Variants in ARLN observed in about 807,000 individuals in gnomAD.
ARLN encodes sarcoplasmic/endoplasmic reticulum calcium ATPase regulator ARLN.
chr4:119,300,473 G>A, the ARLN span: 2 of 1,614,066 alleles, frequency 1.2e-6, no homozygotes, highest in South Asian at 2.2e-5. Flanking sequence ...TCCCTCCCTC[G>A]CTAAAGCCTC....
the ARLN span, chr4:119,298,096 A>C: frequency 1.3e-5 from 2 of 152,180 alleles, no homozygotes; most frequent in Admixed American, 1.3e-4. Context: ...GGTTTGAAAC[A>C]CATAATCCTT....
chr4:119,299,845 G>C, the ARLN span, among the ~76,000 whole-genome samples: 1 of 152,264 alleles, frequency 6.6e-6, no homozygotes, highest in South Asian at 2.1e-4. Flanking sequence ...TTTTGGACAT[G>C]TTTAGTTTGA....
chr4:119,301,331 G>A, the ARLN span, among the ~76,000 whole-genome samples: 31 of 152,004 alleles, frequency 2.0e-4, no homozygotes, highest in Admixed American at 1.8e-3. Context: ...GGCTGAGGCA[G>A]GAGAATCGCT....
At chr4:119,302,649 T>C in the ARLN span, among the ~76,000 whole-genome samples, 37 of 152,338 alleles carry the variant, frequency 2.4e-4, no homozygotes, top group South Asian at 7.3e-3. Flanking sequence ...ACCTTGAACT[T>C]TCTACTTCAC....
chr4:119,301,101 T>C, the ARLN span, among the ~76,000 whole-genome samples: 1 of 151,766 alleles, frequency 6.6e-6, no homozygotes, highest in Admixed American at 6.6e-5. Context: ...ATTTTGCAGG[T>C]ACTTCAAGGG....
At chr4:119,302,886 A>G in the ARLN span, among the ~76,000 whole-genome samples, 1 of 152,202 alleles carries the variant, frequency 6.6e-6, no homozygotes, top group Non-Finnish European at 1.5e-5. Context: ...CAGGAGGGAG[A>G]TGATGATGAA....
the ARLN span, among the ~76,000 whole-genome samples, chr4:119,303,820 G>A: frequency 2.6e-5 from 4 of 152,308 alleles, no homozygotes; most frequent in East Asian, 7.7e-4. Flanking sequence ...AGGCTGCAGT[G>A]AACTGTTATT....
At chr4:119,304,166 C>T in the ARLN span, 1 of 1,005,364 alleles carries the variant, frequency 9.9e-7, no homozygotes, top group South Asian at 1.6e-5. Context: ...CTTCAGGGCC[C>T]CACTTAAGTG....
chr4:119,300,259 A>G, the ARLN span: 2 of 1,179,410 alleles, frequency 1.7e-6, no homozygotes, highest in Admixed American at 4.0e-5. Context: ...TCTGGAATTC[A>G]GTCCCCTCCC....
At chr4:119,298,141 AG>A in the ARLN span, 4 of 152,212 alleles carry the variant, frequency 2.6e-5, no homozygotes, top group Non-Finnish European at 5.9e-5. Flanking sequence ...AAAGGAAAAA[AG>A]GGGGAAGATA....
At chr4:119,300,643 T>G in the ARLN span, 6 of 1,576,552 alleles carry the variant, frequency 3.8e-6, no homozygotes, top group Non-Finnish European at 5.2e-6. Context: ...GCCTGCGCAG[T>G]GCGCCGCGCC....
the ARLN span, among the ~76,000 whole-genome samples, chr4:119,299,257 TG>T: frequency 6.6e-6 from 1 of 152,222 alleles, no homozygotes; most frequent in East Asian, 1.9e-4. Context: ...TGGCCCTCTC[TG>T]TCTTCTCTAA....
At chr4:119,302,498 C>G in the ARLN span, among the ~76,000 whole-genome samples, 1 of 152,200 alleles carries the variant, frequency 6.6e-6, no homozygotes, top group Non-Finnish European at 1.5e-5. Flanking sequence ...GCCTCGACTT[C>G]CCAAAGTACT....
At chr4:119,300,954 C>T in the ARLN span, 1 of 715,968 alleles carries the variant, frequency 1.4e-6, no homozygotes, top group East Asian at 2.8e-5. Flanking sequence ...CTTATGCCAA[C>T]GTGTTAGGAA....
chr4:119,299,006 C>G, the ARLN span, among the ~76,000 whole-genome samples: 2 of 152,164 alleles, frequency 1.3e-5, no homozygotes, highest in East Asian at 1.9e-4. Context: ...GAGTAAAACT[C>G]TCCCTTTACA....
At chr4:119,304,300 C>T in the ARLN span, 1 of 1,537,124 alleles carries the variant, frequency 6.5e-7, no homozygotes. Flanking sequence ...ATGTTTTCTT[C>T]TTGGGGAGAG....
the ARLN span, among the ~76,000 whole-genome samples, chr4:119,300,050 C>G: frequency 2.0e-5 from 3 of 151,990 alleles, no homozygotes; most frequent in African/African-American, 4.8e-5. Context: ...CTTCTCCGGT[C>G]GCTTCATGGT....
chr4:119,300,814 G>C, the ARLN span: 4 of 1,439,412 alleles, frequency 2.8e-6, no homozygotes, highest in Non-Finnish European at 3.6e-6. Flanking sequence ...CAGGCAGATA[G>C]CTGGTTATTC....
the ARLN span, chr4:119,300,473 G>C: frequency 1.9e-6 from 3 of 1,614,066 alleles, no homozygotes; most frequent in Non-Finnish European, 1.7e-6. Flanking sequence ...TCCCTCCCTC[G>C]CTAAAGCCTC....
Sources: gnomAD v4.1 joint callset for allele counts (sites outside exome capture counted in the v4.1 genomes callset) on GRCh38, gnomAD v4.1.1 for gene constraint, MANE v1.5 for transcripts, NCBI Gene and HGNC (gene_info 2026-07-23, HGNC 2026-07-21) for gene names.